SLIT2: variants seen among roughly 807,000 people sequenced by gnomAD.
SLIT2 encodes the protein slit homolog 2 protein.
SLIT2 carries 41 observed loss-of-function variants against 185.7 expected under a neutral mutation model. The ratio of observed to expected loss-of-function variants is 0.22; its 90% CI spans 0.17 to 0.29. The LOEUF (loss-of-function observed/expected upper bound fraction) is 0.29. Among genes scored for constraint, SLIT2 ranks in the 10% least tolerant of loss-of-function variants. SLIT2 has a pLI of 1.00. For missense variants in SLIT2, 1,571 were observed against 1,909.0 expected (o/e 0.82, Z 3.30); for synonymous variants, 693 against 680.2 (o/e 1.02, Z -0.29).
At chr4:20,388,130 T>C (rs1335545707) in intron 4 of SLIT2, among the ~76,000 whole-genome samples, 1 of 152,128 alleles carries the variant, frequency 6.6e-6, no homozygotes, top group Non-Finnish European at 1.5e-5. Flanking sequence ...TAGAACATCA[T>C]ATTTGCTGGT....
At chr4:20,261,882 TC>T (rs1366760225) in intron 3 of SLIT2, among the ~76,000 whole-genome samples, 1 of 151,800 alleles carries the variant, frequency 6.6e-6, no homozygotes, top group African/African-American at 2.4e-5. Flanking sequence ...GTTCATCTTT[TC>T]CCACCAATAC....
chr4:20,439,037 T>G (rs552370712), intron 4 of SLIT2, among the ~76,000 whole-genome samples: 4 of 152,356 alleles, frequency 2.6e-5, no homozygotes, highest in Admixed American at 2.6e-4. Context: ...TAAGGGCAAG[T>G]CTTAACAGCT....
chr4:20,592,518 T>G (rs1727591332), intron 30 of SLIT2, among the ~76,000 whole-genome samples: 1 of 152,196 alleles, frequency 6.6e-6, no homozygotes, highest in African/African-American at 2.4e-5. Flanking sequence ...ACAAAAATGT[T>G]GGACATAATG....
At chr4:20,298,418 A>G (rs897516931) in intron 4 of SLIT2, among the ~76,000 whole-genome samples, 5 of 152,116 alleles carry the variant, frequency 3.3e-5, no homozygotes, top group Non-Finnish European at 4.4e-5. Flanking sequence ...TGGAAAGGAA[A>G]TGGTCTTATA....
At chr4:20,283,430 T>A (rs747091312) in intron 4 of SLIT2, among the ~76,000 whole-genome samples, 7 of 152,144 alleles carry the variant, frequency 4.6e-5, no homozygotes, top group Non-Finnish European at 1.0e-4. Context: ...TTGTTCAGTA[T>A]TTTTGCCAAG....
chr4:20,531,458 C>A (rs1418324875), intron 16 of SLIT2, among the ~76,000 whole-genome samples: 2 of 152,110 alleles, frequency 1.3e-5, no homozygotes, highest in Non-Finnish European at 2.9e-5. Context: ...TTGCCAAGGA[C>A]TGTGGGGGAA....
Position 20,519,382 on chromosome 4 carries a change from T to C in SLIT2, c.1059T>C (p.Leu353=). 6.6e-7 allele frequency: 1 copy of C among 1,512,146 alleles called. No individual in the cohort carries two copies. Among genetic ancestry groups the C allele is most frequent in the Non-Finnish European group, 9.2e-7 (1 of 1,090,150 alleles). The allele number at this position is 1,512,146 out of a possible 1,614,324, so 93.7% of individuals were successfully genotyped here. The change falls in exon 12 of 37, where the codon CTT becomes CTC. Residue 353 remains leucine, a splice_region_variant and synonymous_variant. Transcript: ENST00000504154. ...TTTTCATTTAAAATATTTTTTTCAG[T>C]GTCCTCTATGGAAATAAAATCACAG... ...AFQGLRSLNS[L]VLYGNKITEL... is the part of the protein sequence containing the mutation.
intron 4 of SLIT2, among the ~76,000 whole-genome samples, chr4:20,408,523 A>C (rs1054510905): frequency 4.9e-5 from 6 of 121,402 alleles, no homozygotes; most frequent in Admixed American, 1.6e-4. Flanking sequence ...CTGCAGGACG[A>C]AATTTCAGTT....
intron 4 of SLIT2, among the ~76,000 whole-genome samples, chr4:20,355,975 A>G (rs1408826526): frequency 1.3e-5 from 2 of 152,202 alleles, no homozygotes; most frequent in African/African-American, 4.8e-5. Context: ...ACCTAGCATT[A>G]TAAAAAATAT....
rs1034804445 is a variant in SLIT2 at position 20,286,421 on chromosome 4, G to T, written c.395+17540G>T. On this transcript the variant is annotated intron_variant, in intron 4 of 36. Coordinates refer to ENST00000504154, the MANE Select transcript of SLIT2 (RefSeq NM_004787.4). ...CATCCGTCTTCTCCTTTCCCTCTCA[G>T]TAATTTGCTTCCTAACTGTACTTCC... 3.3e-5 allele frequency among the ~76,000 whole-genome samples: 5 copies of T among 152,136 alleles called. 1 individual carries two copies. The South Asian group carries it at 6.2e-4, about 19-fold the overall frequency.
At chr4:20,576,954 CTGTT>C (rs1389546984) in intron 29 of SLIT2, among the ~76,000 whole-genome samples, 3 of 150,110 alleles carry the variant, frequency 2.0e-5, no homozygotes, top group Non-Finnish European at 4.4e-5. Flanking sequence ...ACTTCATTTT[CTGTT>C]TGTTTATTTG....
chr4:20,581,111 T>C, intron 29 of SLIT2, among the ~76,000 whole-genome samples: 1 of 152,302 alleles, frequency 6.6e-6, no homozygotes, highest in Non-Finnish European at 1.5e-5. Flanking sequence ...CAGAGTTTTA[T>C]TGTCTTACAG....
intron 29 of SLIT2, among the ~76,000 whole-genome samples, chr4:20,570,279 G>A: frequency 6.6e-6 from 1 of 151,966 alleles, no homozygotes; most frequent in Non-Finnish European, 1.5e-5. Flanking sequence ...ACTGCTTAGT[G>A]GGTGGAATTT....
chr4:20,595,056 C>G (rs6847533), intron 30 of SLIT2, among the ~76,000 whole-genome samples: 1 of 152,084 alleles, frequency 6.6e-6, no homozygotes, highest in Non-Finnish European at 1.5e-5. Context: ...CCATGGTGAA[C>G]AGGCTGAAAA....
At chr4:20,463,119 A>C (rs1470114739) in intron 4 of SLIT2, among the ~76,000 whole-genome samples, 1 of 152,130 alleles carries the variant, frequency 6.6e-6, no homozygotes, top group East Asian at 1.9e-4. Flanking sequence ...CCAAGGTCCC[A>C]TGACTAATAA....
intron 29 of SLIT2, among the ~76,000 whole-genome samples, chr4:20,584,134 T>A (rs1726845128): frequency 1.3e-5 from 2 of 152,156 alleles, no homozygotes; most frequent in South Asian, 4.1e-4. Flanking sequence ...AAAAAGGGAT[T>A]TTTTTAGAGC....
intron 29 of SLIT2, chr4:20,569,286 T>G (rs2148916578): frequency 2.7e-6 from 1 of 366,552 alleles, no homozygotes; most frequent in East Asian, 5.9e-5. Context: ...CACAATTAAA[T>G]GGCATTTTTG....
intron 3 of SLIT2, 77 bp from the exon 4 acceptor site, chr4:20,268,733 C>A: frequency 1.1e-6 from 1 of 885,822 alleles, no homozygotes; most frequent in Non-Finnish European, 1.9e-6. Flanking sequence ...CAGGATGAGG[C>A]ATGACACTAC....
chr4:20,446,814 C>T (rs978408730), intron 4 of SLIT2, among the ~76,000 whole-genome samples: 4 of 152,146 alleles, frequency 2.6e-5, no homozygotes, highest in African/African-American at 9.7e-5. Flanking sequence ...GAAACTTCAT[C>T]AAAATAGATA....
Sources: gnomAD v4.1 joint callset for allele counts (sites outside exome capture counted in the v4.1 genomes callset) on GRCh38, gnomAD v4.1.1 for gene constraint, MANE v1.5 for transcripts, NCBI Gene and HGNC (gene_info 2026-07-23, HGNC 2026-07-21) for gene names.